The following AIM2 variants were observed in gnomAD, a reference collection of about 807,000 sequenced individuals.
AIM2 encodes interferon-inducible protein AIM2.
A neutral mutation model predicts 27.7 loss-of-function variants in AIM2; 30 were observed. The ratio of observed to expected loss-of-function variants is 1.08; its 90% confidence interval spans 0.81 to 1.47. AIM2 has a LOEUF of 1.47. Among genes scored for constraint, AIM2 ranks in the 40% most tolerant of loss-of-function variants. The pLI, the probability that AIM2 is intolerant of heterozygous loss-of-function variation, is 0.00. For missense variants in AIM2, 358 were observed against 411.3 expected (o/e 0.87, Z 1.12); for synonymous variants, 141 against 145.3 (o/e 0.97, Z 0.21).
At chr1:159,120,120 A>G (rs1647492914) in intron 1 of AIM2, among the ~76,000 whole-genome samples, 1 of 151,954 alleles carries the variant, frequency 6.6e-6, no homozygotes, top group Non-Finnish European at 1.5e-5. Flanking sequence ...AAAACACTGG[A>G]TCCTGATGTT....
At chr1:159,119,675 G>A (rs980280739) in intron 1 of AIM2, among the ~76,000 whole-genome samples, 5 of 152,048 alleles carry the variant, frequency 3.3e-5, no homozygotes, top group African/African-American at 1.2e-4. Context: ...AACAATAACC[G>A]AATGTCAGGT....
intron 1 of AIM2, among the ~76,000 whole-genome samples, chr1:159,137,751 A>G (rs772006266): frequency 3.3e-5 from 5 of 152,196 alleles, no homozygotes; most frequent in Non-Finnish European, 7.3e-5. Flanking sequence ...ATGATTTAAA[A>G]CTTCCTAAAT....
At chr1:159,066,403 G>C (rs1656098395) in intron 3 of AIM2, 74 bp from the exon 4 acceptor site, 1 of 1,461,190 alleles carries the variant, frequency 6.8e-7, no homozygotes, top group African/African-American at 1.4e-5. Context: ...TTCACCTACA[G>C]TGCTAAACCT....
intron 1 of AIM2, among the ~76,000 whole-genome samples, chr1:159,085,107 T>A (rs1032015996): frequency 7.9e-5 from 12 of 152,136 alleles, no homozygotes; most frequent in African/African-American, 2.9e-4. Context: ...AAAACCCAGA[T>A]GTCTGAAGCC....
chr1:159,144,485 TA>T (rs1648168612), upstream of AIM2, among the ~76,000 whole-genome samples: 1 of 152,204 alleles, frequency 6.6e-6, no homozygotes, highest in African/African-American at 2.4e-5. Flanking sequence ...AACAATCAAA[TA>T]AATCTACAGT....
chr1:159,145,903 C>G (rs1648192675), intron 1 of AIM2, among the ~76,000 whole-genome samples: 2 of 152,104 alleles, frequency 1.3e-5, no homozygotes, highest in Non-Finnish European at 2.9e-5. Flanking sequence ...GTCAAGAGAT[C>G]AAGGCCATCC....
intron 1 of AIM2, among the ~76,000 whole-genome samples, chr1:159,098,858 A>C (rs1401476287): frequency 6.6e-6 from 1 of 152,124 alleles, no homozygotes; most frequent in East Asian, 1.9e-4. Flanking sequence ...AGACAAACAC[A>C]CTCCTGAGAT....
chr1:159,119,029 AT>A (rs1296628684), intron 1 of AIM2, among the ~76,000 whole-genome samples: 16 of 152,206 alleles, frequency 1.1e-4, no homozygotes, highest in African/African-American at 3.6e-4. Context: ...TTGGCATTAC[AT>A]ATCTCTCACA....
intron 1 of AIM2, among the ~76,000 whole-genome samples, chr1:159,124,066 C>A (rs1420058324): frequency 6.6e-6 from 1 of 152,164 alleles, no homozygotes; most frequent in Admixed American, 6.5e-5. Context: ...TAACTCCTTT[C>A]AATTACTCCC....
chr1:159,074,146 TGGAAGTATACAA>T, intron 1 of AIM2, among the ~76,000 whole-genome samples: 1 of 152,326 alleles, frequency 6.6e-6, no homozygotes, highest in East Asian at 1.9e-4. Flanking sequence ...GTGCATACAC[TGGAAGTATACAA>T]TCTGATAAAT....
chr1:159,063,018 G>A (rs1351161958), intron 5 of AIM2, among the ~76,000 whole-genome samples: 1 of 152,206 alleles, frequency 6.6e-6, no homozygotes, highest in African/African-American at 2.4e-5. Flanking sequence ...GCACCAAGTA[G>A]TGGCAGGACA....
At chr1:159,082,339 T>C (rs1029485927) in intron 1 of AIM2, among the ~76,000 whole-genome samples, 1 of 152,186 alleles carries the variant, frequency 6.6e-6, no homozygotes, top group African/African-American at 2.4e-5. Flanking sequence ...ATAACAAAAA[T>C]ACTATAGACT....
At chr1:159,112,217 G>A (rs990020879) in intron 1 of AIM2, among the ~76,000 whole-genome samples, 4 of 152,020 alleles carry the variant, frequency 2.6e-5, no homozygotes, top group East Asian at 1.9e-4. Flanking sequence ...AATGCTGAAG[G>A]GTTGAAAAGA....
At chr1:159,089,138 C>G (rs776844034) in intron 1 of AIM2, among the ~76,000 whole-genome samples, 2 of 152,158 alleles carry the variant, frequency 1.3e-5, no homozygotes, top group Non-Finnish European at 2.9e-5. Flanking sequence ...GAAAAAGAGA[C>G]CATTTCTGGC....
chr1:159,092,382 A>G (rs1300013943), intron 1 of AIM2, among the ~76,000 whole-genome samples: 3 of 152,226 alleles, frequency 2.0e-5, no homozygotes, highest in Non-Finnish European at 4.4e-5. Context: ...CTAACTATGA[A>G]TAAGTTAAAC....
intron 4 of AIM2, among the ~76,000 whole-genome samples, chr1:159,065,337 C>T (rs771466536): frequency 3.3e-5 from 5 of 152,214 alleles, no homozygotes; most frequent in Non-Finnish European, 7.3e-5. Flanking sequence ...GTGCAACCTT[C>T]CAAGTGTGAA....
At chr1:159,137,099 T>G (rs1443246839) in intron 1 of AIM2, among the ~76,000 whole-genome samples, 1 of 152,198 alleles carries the variant, frequency 6.6e-6, no homozygotes, top group East Asian at 1.9e-4. Context: ...GAACCTCCAC[T>G]CAAACTCATC....
Position 159,063,649 on chromosome 1 carries a change from AAT to A in AIM2, c.840_841del (p.Leu281IlefsTer2), listed in dbSNP as rs771936751. 1.7e-4 allele frequency: 281 copies of A among 1,612,636 alleles called. No homozygotes were observed. The highest frequency in any genetic ancestry group is 2.3e-4 in the Non-Finnish European group (267 of 1,179,644). On this transcript the variant is annotated frameshift_variant, in exon 5 of 6. Transcript: ENST00000368130. LOFTEE classifies it high-confidence loss of function. ...CCCAGTGTTGTCACTTAGGTCAAATAATATGTTTTTCTTCTTTTCTGTTACCT... is the reference window on the plus strand; with the variant it reads ...CCCAGTGTTGTCACTTAGGTCAAATAATGTTTTTCTTCTTTTCTGTTACCT...
rs1455187238 is a variant in AIM2, at chr1:159,063,509, ATGTCAGC to A, written c.975_981del (p.Gln325HisfsTer8). On this transcript the variant is annotated frameshift_variant, in exon 5 of 6. Coordinates refer to ENST00000368130, the MANE Select transcript of AIM2 (RefSeq NM_004833.3). LOFTEE classifies it low-confidence loss of function (END_TRUNC). ...ACCTTTATGGTGCTATGAACTCCAG[ATGTCAGC>A]TGTAGTTTTTCTCCATTTTTTGACA... 1 of 1,613,868 alleles carries A rather than the reference ATGTCAGC, an allele frequency of 6.2e-7. No homozygotes were observed.
Sources: allele counts gnomAD v4.1 joint callset (sites outside exome capture counted in the v4.1 genomes callset), GRCh38; gene constraint gnomAD v4.1.1; transcripts MANE v1.5; gene names NCBI Gene and HGNC (gene_info 2026-07-23, HGNC 2026-07-21).